PLCB4: variants seen among roughly 807,000 people sequenced by gnomAD.
PLCB4 encodes phospholipase C beta 4.
Under a neutral mutation model 178.8 loss-of-function variants are expected in PLCB4, and 77 were observed. The observed-to-expected ratio is 0.43, with a 90% CI of 0.36 to 0.52. PLCB4 has a LOEUF of 0.52. Among genes scored for constraint, PLCB4 ranks in the 20% least tolerant of loss-of-function variants. The pLI, the probability that PLCB4 is intolerant of heterozygous loss-of-function variation, is 0.00. For missense variants in PLCB4, 1,024 were observed against 1,453.4 expected (o/e 0.70, Z 4.80); for synonymous variants, 496 against 490.8 (o/e 1.01, Z -0.14).
chr20:9,401,720 C>T (rs1400991621), intron 20 of PLCB4, 130 bp downstream of exon 20: 2 of 640,130 alleles, frequency 3.1e-6, no homozygotes, highest in African/African-American at 3.7e-5. Flanking sequence ...GGATACGAGT[C>T]TGTGCTGGGT....
intron 1 of PLCB4, among the ~76,000 whole-genome samples, chr20:9,088,500 C>T (rs1051424907): frequency 3.3e-5 from 5 of 152,136 alleles, no homozygotes; most frequent in East Asian, 3.8e-4. Context: ...ATTTATAATT[C>T]GTGAACTGCC....
intron 2 of PLCB4, among the ~76,000 whole-genome samples, chr20:9,176,991 A>G (rs919596634): frequency 6.6e-6 from 1 of 152,136 alleles, no homozygotes; most frequent in African/African-American, 2.4e-5. Context: ...CTGAGAAAGA[A>G]TGATTATATA....
chr20:9,194,069 G>A (rs535739944), intron 2 of PLCB4, among the ~76,000 whole-genome samples: 13 of 151,986 alleles, frequency 8.6e-5, no homozygotes, highest in African/African-American at 2.2e-4. Flanking sequence ...TTGGTGTTTC[G>A]TGTTTTTAAA....
chr20:9,310,984 T>C (rs1032980883), intron 4 of PLCB4, among the ~76,000 whole-genome samples: 10 of 152,242 alleles, frequency 6.6e-5, no homozygotes, highest in African/African-American at 2.4e-4. Flanking sequence ...TACACGTTAC[T>C]TAAATGCAAA....
chr20:9,154,851 C>CCTCCCTCT (rs1351943746), intron 2 of PLCB4, among the ~76,000 whole-genome samples: 1 of 139,562 alleles, frequency 7.2e-6, no homozygotes, highest in African/African-American at 2.7e-5. Flanking sequence ...TTCCTTTTTC[C>CCTCCCTCT]CTCCCTCTCT....
At chr20:9,324,245 G>A (rs774778270) in intron 4 of PLCB4, among the ~76,000 whole-genome samples, 1 of 151,442 alleles carries the variant, frequency 6.6e-6, no homozygotes, top group Non-Finnish European at 1.5e-5. Flanking sequence ...GGCCAACATG[G>A]TGAAACCCTG....
At chr20:9,302,406 C>A (rs1206088318) in intron 3 of PLCB4, among the ~76,000 whole-genome samples, 1 of 152,066 alleles carries the variant, frequency 6.6e-6, no homozygotes, top group Non-Finnish European at 1.5e-5. Context: ...ATTTTCTAGT[C>A]TGTAGGTCAT....
intron 2 of PLCB4, among the ~76,000 whole-genome samples, chr20:9,160,982 A>G (rs1003078363): frequency 1.3e-5 from 2 of 152,200 alleles, no homozygotes; most frequent in African/African-American, 2.4e-5. Context: ...CCAGAGTTGC[A>G]TTAGCAAGTG....
intron 21 of PLCB4, among the ~76,000 whole-genome samples, chr20:9,407,693 A>G (rs1215726390): frequency 3.3e-5 from 5 of 152,226 alleles, no homozygotes; most frequent in Non-Finnish European, 7.3e-5. Context: ...ATGTCCTACA[A>G]ATGTAAGATA....
intron 2 of PLCB4, among the ~76,000 whole-genome samples, chr20:9,193,646 A>G (rs2093432421): frequency 6.6e-6 from 1 of 152,218 alleles, no homozygotes; most frequent in Non-Finnish European, 1.5e-5. Context: ...GTGACTCTTG[A>G]AAAAAGACCT....
chr20:9,373,215 C>A (rs1427815403), intron 12 of PLCB4, 111 bp downstream of exon 12: 1 of 571,586 alleles, frequency 1.7e-6, no homozygotes, highest in Middle Eastern at 2.7e-4. Flanking sequence ...TGCTTCTGAC[C>A]TGCTGATCTT....
At chr20:9,373,368 A>G (rs2036410320) in intron 12 of PLCB4, among the ~76,000 whole-genome samples, 1 of 152,194 alleles carries the variant, frequency 6.6e-6, no homozygotes, top group Admixed American at 6.5e-5. Context: ...TGTGAATTGT[A>G]TAATATATTC....
intron 2 of PLCB4, among the ~76,000 whole-genome samples, chr20:9,190,460 G>A (rs1344196962): frequency 6.6e-6 from 1 of 152,102 alleles, no homozygotes; most frequent in Non-Finnish European, 1.5e-5. Context: ...TAAATTTCCT[G>A]AGGCCTCCCC....
intron 3 of PLCB4, among the ~76,000 whole-genome samples, chr20:9,274,075 A>G (rs2094431027): frequency 6.6e-6 from 1 of 152,056 alleles, no homozygotes; most frequent in Admixed American, 6.6e-5. Context: ...TGGATAGGAG[A>G]GAAGAATTAG....
At chr20:9,452,926 A>G (rs1243982663) in intron 32 of PLCB4, among the ~76,000 whole-genome samples, 1 of 152,234 alleles carries the variant, frequency 6.6e-6, no homozygotes, top group Non-Finnish European at 1.5e-5. Flanking sequence ...TTTAGCATAT[A>G]CAAGAGAAGA....
At chr20:9,132,284 T>TTGTGTG (rs34334709) in intron 2 of PLCB4, among the ~76,000 whole-genome samples, 53 of 149,278 alleles carry the variant, frequency 3.6e-4, no homozygotes, top group South Asian at 3.2e-3. Context: ...GGCATAATGT[T>TTGTGTG]TGTGTGTGTG....
At chr20:9,256,092 G>A (rs765038969) in intron 3 of PLCB4, among the ~76,000 whole-genome samples, 23 of 152,218 alleles carry the variant, frequency 1.5e-4, no homozygotes, top group Admixed American at 4.6e-4. Flanking sequence ...TAAAGTTCTC[G>A]TATACATATG....
At chr20:9,143,618 G>T (rs2092538646) in intron 2 of PLCB4, among the ~76,000 whole-genome samples, 1 of 152,100 alleles carries the variant, frequency 6.6e-6, no homozygotes, top group African/African-American at 2.4e-5. Flanking sequence ...TTCGACTTCA[G>T]AATTCACATT....
At chr20:9,169,022 T>C (rs1262888265) in intron 2 of PLCB4, among the ~76,000 whole-genome samples, 1 of 152,110 alleles carries the variant, frequency 6.6e-6, no homozygotes, top group African/African-American at 2.4e-5. Context: ...CTCATCCTCT[T>C]CTCCTGTCTG....
Sources: gnomAD v4.1 joint callset for allele counts (sites outside exome capture counted in the v4.1 genomes callset) on GRCh38, gnomAD v4.1.1 for gene constraint, MANE v1.5 for transcripts, NCBI Gene and HGNC (gene_info 2026-07-23, HGNC 2026-07-21) for gene names.